Variants in MCTP2 observed in about 807,000 individuals in gnomAD.
MCTP2 encodes the protein multiple C2 and transmembrane domain containing 2.
A neutral mutation model predicts 111.6 loss-of-function variants in MCTP2; 132 were observed. That is an observed-to-expected ratio of 1.18 (90% CI 1.03 to 1.37). The LOEUF is 1.37. Ranked by LOEUF, MCTP2 falls within the 40% of genes most tolerant of loss-of-function variation. The pLI, the probability that MCTP2 is intolerant of heterozygous loss-of-function variation, is 0.00. For missense variants in MCTP2, 1,183 were observed against 1,067.9 expected (o/e 1.11, Z -1.50); for synonymous variants, 395 against 387.7 (o/e 1.02, Z -0.22).
chr15:94,459,179 A>G (rs1389940997), intron 20 of MCTP2, among the ~76,000 whole-genome samples: 1 of 152,158 alleles, frequency 6.6e-6, no homozygotes, highest in African/African-American at 2.4e-5. Context: ...TGTTCTTTCT[A>G]AGGATTAATT....
chr15:94,245,013 C>G (rs1367105061), intron 1 of MCTP2, among the ~76,000 whole-genome samples: 2 of 148,626 alleles, frequency 1.3e-5, no homozygotes, highest in African/African-American at 5.0e-5. Flanking sequence ...TATGTATACA[C>G]ATACATATGC....
At chr15:94,319,761 A>ATTC (rs60440725) in intron 4 of MCTP2, among the ~76,000 whole-genome samples, 18,989 of 152,136 alleles carry the variant, frequency 0.12, 2,026 homozygotes, top group African/African-American at 0.29. Context: ...CTTAATTTGT[A>ATTC]TTGGAATATA....
chr15:94,369,418 C>T (rs963097636), intron 11 of MCTP2, among the ~76,000 whole-genome samples: 4 of 152,130 alleles, frequency 2.6e-5, no homozygotes, highest in African/African-American at 9.7e-5. Context: ...CTCTTTCATG[C>T]ACAATTTCTT....
At chr15:94,243,706 C>A (rs901860378) in intron 1 of MCTP2, among the ~76,000 whole-genome samples, 5 of 124,532 alleles carry the variant, frequency 4.0e-5, no homozygotes, top group African/African-American at 1.2e-4. Flanking sequence ...TGCGTATATA[C>A]ACATATATGT....
chr15:94,453,480 A>C (rs1187501675), intron 19 of MCTP2, among the ~76,000 whole-genome samples: 2 of 152,240 alleles, frequency 1.3e-5, no homozygotes, highest in African/African-American at 4.8e-5. Flanking sequence ...AGATTCAGGA[A>C]GCTTTCAAAC....
At chr15:94,326,812 C>G (rs1434677758) in intron 4 of MCTP2, among the ~76,000 whole-genome samples, 1 of 46,576 alleles carries the variant, frequency 2.1e-5, no homozygotes, top group Admixed American at 2.0e-4. Flanking sequence ...AGGTGATCCC[C>G]GCCCCACCCC....
chr15:94,329,887 C>G (rs912444206), intron 4 of MCTP2, among the ~76,000 whole-genome samples: 1 of 152,160 alleles, frequency 6.6e-6, no homozygotes, highest in African/African-American at 2.4e-5. Flanking sequence ...GAGTCCTCAT[C>G]GTATGGTAGG....
chr15:94,249,557 C>T (rs1024467944), intron 1 of MCTP2, among the ~76,000 whole-genome samples: 1 of 151,782 alleles, frequency 6.6e-6, no homozygotes, highest in African/African-American at 2.4e-5. Context: ...GCGATCTCAG[C>T]TCACTGCAAC....
intron 1 of MCTP2, among the ~76,000 whole-genome samples, chr15:94,235,535 GAAATT>G (rs1407211622): frequency 6.6e-6 from 1 of 152,132 alleles, no homozygotes; most frequent in Non-Finnish European, 1.5e-5. Flanking sequence ...GGAGGGAACT[GAAATT>G]AATAATAATA....
At chr15:94,293,180 A>G (rs1221400340) in intron 1 of MCTP2, among the ~76,000 whole-genome samples, 1 of 152,174 alleles carries the variant, frequency 6.6e-6, no homozygotes, top group Non-Finnish European at 1.5e-5. Context: ...CCAAAAGTAT[A>G]TAACATAAAA....
At chr15:94,317,290 C>A (rs910649495) in intron 4 of MCTP2, among the ~76,000 whole-genome samples, 17 of 152,220 alleles carry the variant, frequency 1.1e-4, no homozygotes, top group African/African-American at 4.1e-4. Flanking sequence ...TCTCTTCCCC[C>A]ATCTGTGGAT....
chr15:94,394,799 G>T (rs2081198029), intron 14 of MCTP2, among the ~76,000 whole-genome samples: 1 of 152,044 alleles, frequency 6.6e-6, no homozygotes, highest in Non-Finnish European at 1.5e-5. Flanking sequence ...TTAACATTGT[G>T]TTTTTTCTAT....
intron 1 of MCTP2, among the ~76,000 whole-genome samples, chr15:94,264,598 G>A (rs1279953328): frequency 2.7e-5 from 4 of 147,112 alleles, no homozygotes; most frequent in African/African-American, 4.9e-5. Flanking sequence ...GCGACAGAGC[G>A]AGACTCTGTC....
At chr15:94,337,255 C>T (rs112816194) in intron 4 of MCTP2, among the ~76,000 whole-genome samples, 5 of 152,144 alleles carry the variant, frequency 3.3e-5, no homozygotes, top group African/African-American at 7.2e-5. Flanking sequence ...CTATTAATTC[C>T]AGACATTAAT....
At chr15:94,397,452 G>A (rs1176461628) in intron 14 of MCTP2, among the ~76,000 whole-genome samples, 3 of 152,206 alleles carry the variant, frequency 2.0e-5, no homozygotes, top group African/African-American at 7.2e-5. Flanking sequence ...TTGTCAGGCT[G>A]TTTTTGTATT....
At chr15:94,243,189 G>T (rs149954987) in intron 1 of MCTP2, among the ~76,000 whole-genome samples, 9 of 145,564 alleles carry the variant, frequency 6.2e-5, no homozygotes, top group African/African-American at 2.3e-4. Context: ...GTACGTATGC[G>T]TATATACGTA....
chr15:94,354,391 G>A (rs530235475), intron 8 of MCTP2, among the ~76,000 whole-genome samples: 1 of 152,238 alleles, frequency 6.6e-6, no homozygotes, highest in South Asian at 2.1e-4. Flanking sequence ...GAATTATGGG[G>A]GTGGTTTCCC....
intron 20 of MCTP2, among the ~76,000 whole-genome samples, chr15:94,467,520 C>T (rs1402882081): frequency 2.0e-5 from 3 of 151,930 alleles, no homozygotes; most frequent in South Asian, 4.1e-4. Context: ...TTTGAGCCCG[C>T]GGGTTGGGGT....
At chr15:94,390,754 G>A (rs2080917715) in intron 14 of MCTP2, among the ~76,000 whole-genome samples, 1 of 129,152 alleles carries the variant, frequency 7.7e-6, no homozygotes, top group Non-Finnish European at 1.6e-5. Context: ...TTTTGGGATG[G>A]AGTCTTGCTC....
Sources: allele counts gnomAD v4.1 joint callset (sites outside exome capture counted in the v4.1 genomes callset), GRCh38; gene constraint gnomAD v4.1.1; transcripts MANE v1.5; gene names NCBI Gene and HGNC (gene_info 2026-07-23, HGNC 2026-07-21).